LARS2: variants seen among roughly 807,000 people sequenced by gnomAD.
LARS2 encodes the protein leucyl-tRNA synthetase 2, mitochondrial.
Under a neutral mutation model 116.6 loss-of-function variants are expected in LARS2, and 81 were observed. The observed-to-expected ratio is 0.69, with a 90% confidence interval of 0.58 to 0.84. The LOEUF (loss-of-function observed/expected upper bound fraction) is 0.84. Among genes scored for constraint, LARS2 ranks in the 40% least tolerant of loss-of-function variants. The probability of loss-of-function intolerance (pLI) is 0.00; values close to 1 mark genes in which losing one functional copy is unlikely to be tolerated. For missense variants in LARS2, 968 were observed against 1,114.5 expected (o/e 0.87, Z 1.87); for synonymous variants, 396 against 407.2 (o/e 0.97, Z 0.33).
chr3:45,507,953 C>T (rs1292933510), intron 15 of LARS2, among the ~76,000 whole-genome samples: 2 of 151,948 alleles, frequency 1.3e-5, no homozygotes, highest in African/African-American at 4.8e-5. Flanking sequence ...TTTCAGCTTC[C>T]CTCCTTCCGG....
At chr3:45,471,925 A>G (rs995086402) in intron 8 of LARS2, among the ~76,000 whole-genome samples, 2 of 152,226 alleles carry the variant, frequency 1.3e-5, no homozygotes, top group East Asian at 1.9e-4. Context: ...TTTTGCTACA[A>G]TGACATCGAG....
At chr3:45,438,829 T>A (rs1227657862) in intron 6 of LARS2, among the ~76,000 whole-genome samples, 1 of 151,884 alleles carries the variant, frequency 6.6e-6, no homozygotes, top group East Asian at 1.9e-4. Flanking sequence ...AGTGAGACAC[T>A]GTCTCAAAAA....
intron 4 of LARS2, among the ~76,000 whole-genome samples, chr3:45,407,645 A>G (rs766309534): frequency 6.6e-6 from 1 of 152,250 alleles, no homozygotes. Context: ...AGTGTTGAAC[A>G]TACTCCAAAG....
chr3:45,458,751 TA>T lies in LARS2; in HGVS notation c.617del (p.Asn206ThrfsTer60). On this transcript the variant is annotated frameshift_variant, in exon 8 of 22. Transcript: ENST00000645846. LOFTEE classifies it high-confidence loss of function. The stretch of plus-strand genomic sequence containing the variant: ...TTTCATGAATTATACAGGCCCTGGT[TA>T]ACTGGGACCCAGTGGATCAAACAGT... ...GLAYQKEALVNWDPVDQTVLA... is the reference protein window; with the variant it reads ...GLAYQKEALVXWDPVDQTVLA... 1 of 1,614,104 alleles carries T rather than the reference TA, an allele frequency of 6.2e-7. No individual in the cohort carries two copies. Among genetic ancestry groups the T allele is most frequent in the Non-Finnish European group, 8.5e-7 (1 of 1,180,006 alleles).
At chr3:45,402,552 T>C (rs145524087) in intron 4 of LARS2, among the ~76,000 whole-genome samples, 82 of 152,342 alleles carry the variant, frequency 5.4e-4, no homozygotes, top group African/African-American at 1.9e-3. Flanking sequence ...TCTATTTTAT[T>C]TTAGCAAGGT....
chr3:45,477,045 C>G (rs1016980942), intron 10 of LARS2, among the ~76,000 whole-genome samples: 2 of 152,284 alleles, frequency 1.3e-5, no homozygotes, highest in African/African-American at 4.8e-5. Flanking sequence ...TGAGAGCAAA[C>G]TTTTCCAACT....
intron 15 of LARS2, among the ~76,000 whole-genome samples, chr3:45,510,465 T>A (rs1041886333): frequency 2.7e-5 from 4 of 150,422 alleles, no homozygotes; most frequent in Admixed American, 2.7e-4. Context: ...GCAAGCAGCT[T>A]ACCTAAATAC....
intron 21 of LARS2, among the ~76,000 whole-genome samples, chr3:45,545,411 T>C (rs1700861748): frequency 6.6e-6 from 1 of 152,230 alleles, no homozygotes; most frequent in African/African-American, 2.4e-5. Context: ...CAGCCTCTTT[T>C]TGAAGTGATG....
At chr3:45,395,461 C>G (rs892046325) in intron 3 of LARS2, among the ~76,000 whole-genome samples, 1 of 152,246 alleles carries the variant, frequency 6.6e-6, no homozygotes, top group African/African-American at 2.4e-5. Context: ...CAGTCTGGAA[C>G]GTGTTAACCC....
chr3:45,460,472 A>G (rs1446104840), intron 8 of LARS2, among the ~76,000 whole-genome samples: 1 of 152,232 alleles, frequency 6.6e-6, no homozygotes, highest in East Asian at 1.9e-4. Context: ...TCTAGTTGAA[A>G]ATGTAATAAC....
In LARS2 at chr3:45,466,967, T is replaced by G. The variant is rs1052631462; in HGVS notation, c.751-7276T>G. Among the ~76,000 whole-genome samples the G allele has an allele frequency of 2.0e-5, 3 of 152,164 alleles. No individual in the cohort carries two copies. The South Asian group carries it at 6.2e-4, about 32-fold the overall frequency. On this transcript the variant is annotated intron_variant, in intron 8 of 21. Transcript: ENST00000645846. ...GACAGTTCCCAAGCAACTGAGTATTTCTGAGAATCATGTGCAGACAATAGC... is the reference window on the plus strand; with the variant it reads ...GACAGTTCCCAAGCAACTGAGTATTGCTGAGAATCATGTGCAGACAATAGC...
intron 15 of LARS2, among the ~76,000 whole-genome samples, chr3:45,504,680 A>T (rs890310868): frequency 6.6e-6 from 1 of 151,880 alleles, no homozygotes; most frequent in Non-Finnish European, 1.5e-5. Context: ...CTAGATAAAG[A>T]TTGTCATTGA....
rs1699916437 is a variant in LARS2 at position 45,491,581 on chromosome 3, T to C, written c.1304T>C (p.Val435Ala). The change falls in exon 13 of 22, where the codon GTG (valine) becomes GCG (alanine). Residue 435 changes from valine to alanine, a missense_variant. Val to Ala is a moderately conservative substitution (Grantham distance 64, BLOSUM62 0). Coordinates refer to ENST00000645846, the MANE Select transcript of LARS2 (RefSeq NM_015340.4). The part of the protein sequence containing the change: ...ALTQKARGKR[V>A]GGDVTSDKLK... ...ACTCAGAAAGCCCGGGGGAAGAGAG[T>C]GGGTGGAGACGTGACAAGTGATAAA... 6.2e-7 allele frequency: 1 copy of C among 1,613,100 alleles called. No individual in the cohort carries two copies. Among genetic ancestry groups the C allele is most frequent in the Admixed American group, 1.7e-5 (1 of 59,912 alleles).
Position 45,406,486 on chromosome 3 carries a change from G to C in LARS2, c.363+6113G>C, listed in dbSNP as rs892231578. On this transcript the variant is annotated intron_variant, in intron 4 of 21. Transcript: ENST00000645846. The stretch of plus-strand genomic sequence containing the variant: ...TGGAAAATACATCCCATTGAAATGA[G>C]AAGAAAACTAAAGGTCACAAGCAGC... 2.6e-5 allele frequency among the ~76,000 whole-genome samples: 4 copies of C among 152,246 alleles called. No individual in the cohort carries two copies. The South Asian group carries it at 8.3e-4, about 32-fold the overall frequency.
chr3:45,443,997 C>G (rs1490936642), intron 6 of LARS2, among the ~76,000 whole-genome samples: 1 of 137,194 alleles, frequency 7.3e-6, no homozygotes. Flanking sequence ...CTGACTAGAT[C>G]TATCCTCTTT....
intron 10 of LARS2, 99 bp downstream of exon 10, chr3:45,476,726 G>C (rs568522461): frequency 4.8e-6 from 6 of 1,256,586 alleles, no homozygotes; most frequent in South Asian, 4.0e-5. Flanking sequence ...GTCATCTTGC[G>C]TGGGTTGTTC....
At chr3:45,468,358 C>G (rs1311571301) in intron 8 of LARS2, among the ~76,000 whole-genome samples, 2 of 152,142 alleles carry the variant, frequency 1.3e-5, no homozygotes, top group African/African-American at 4.8e-5. Flanking sequence ...CCTCAAGACT[C>G]CCCTTTCCTG....
At chr3:45,493,106 T>G (rs1364332077) in intron 13 of LARS2, among the ~76,000 whole-genome samples, 2 of 143,096 alleles carry the variant, frequency 1.4e-5, no homozygotes, top group Admixed American at 6.9e-5. Flanking sequence ...CTGGATGATC[T>G]TTTTTTTTTT....
intron 16 of LARS2, among the ~76,000 whole-genome samples, chr3:45,513,598 G>A (rs997842578): frequency 6.6e-6 from 1 of 152,118 alleles, no homozygotes; most frequent in Non-Finnish European, 1.5e-5. Flanking sequence ...TTCCAGAACT[G>A]GGGTACTCCC....
Sources: gnomAD v4.1 joint callset for allele counts (sites outside exome capture counted in the v4.1 genomes callset) on GRCh38, gnomAD v4.1.1 for gene constraint, MANE v1.5 for transcripts, NCBI Gene and HGNC (gene_info 2026-07-23, HGNC 2026-07-21) for gene names.